GLIS3: variants seen among roughly 807,000 people sequenced by gnomAD.
GLIS3 encodes the protein GLIS family zinc finger 3.
In GLIS3, 53 loss-of-function variants were observed where a neutral mutation model predicts 78.6. That is an observed-to-expected ratio of 0.67 (90% CI 0.54 to 0.85). The LOEUF is 0.85. Among genes scored for constraint, GLIS3 ranks in the 40% least tolerant of loss-of-function variants. The pLI, the probability that GLIS3 is intolerant of heterozygous loss-of-function variation, is 0.00. For synonymous variants in GLIS3, 684 were observed against 509.9 expected, an observed-to-expected ratio of 1.34 and a Z score of -4.60; for missense variants, 1,703 against 1,231.1, an observed-to-expected ratio of 1.38 and a Z score of -5.74.
At chr9:4,282,720 A>C (rs1827667277) in intron 2 of GLIS3, among the ~76,000 whole-genome samples, 1 of 151,870 alleles carries the variant, frequency 6.6e-6, no homozygotes, top group Non-Finnish European at 1.5e-5. Context: ...CCCAAGGGCC[A>C]ATTTCTTATA....
chr9:4,420,708 T>A, the GLIS3 span, among the ~76,000 whole-genome samples: 1 of 152,170 alleles, frequency 6.6e-6, no homozygotes, highest in South Asian at 2.1e-4. Flanking sequence ...AGTCCATTTT[T>A]GCATTGTTAC....
intron 4 of GLIS3, among the ~76,000 whole-genome samples, chr9:3,959,148 C>T (rs528522653): frequency 3.3e-5 from 5 of 152,232 alleles, no homozygotes; most frequent in Middle Eastern, 3.4e-3. Flanking sequence ...TGGGAGGCCA[C>T]GAGGGCATTC....
the GLIS3 span, among the ~76,000 whole-genome samples, chr9:4,442,882 C>A: frequency 6.6e-6 from 1 of 152,030 alleles, no homozygotes; most frequent in Admixed American, 6.6e-5. Flanking sequence ...TCCCAGACCC[C>A]AGTCCAGAAC....
chr9:3,887,958 T>C (rs1264050673), intron 7 of GLIS3, among the ~76,000 whole-genome samples: 3 of 152,146 alleles, frequency 2.0e-5, no homozygotes, highest in Non-Finnish European at 2.9e-5. Flanking sequence ...CTTTTCTGTC[T>C]TTTCTCCACC....
chr9:4,244,374 A>T (rs1261143944), intron 2 of GLIS3, among the ~76,000 whole-genome samples: 1 of 152,216 alleles, frequency 6.6e-6, no homozygotes, highest in Non-Finnish European at 1.5e-5. Context: ...CAAACCTGTT[A>T]ATGTCAGACA....
At chr9:4,109,182 A>G (rs1831014313) in intron 4 of GLIS3, among the ~76,000 whole-genome samples, 1 of 152,156 alleles carries the variant, frequency 6.6e-6, no homozygotes, top group South Asian at 2.1e-4. Context: ...AAGGAAAAAA[A>G]TCTTGAAAAG....
chr9:4,437,943 G>C, the GLIS3 span, among the ~76,000 whole-genome samples: 1 of 152,136 alleles, frequency 6.6e-6, no homozygotes, highest in South Asian at 2.1e-4. Context: ...GACTGTTTAT[G>C]TTACTAACAA....
chr9:4,087,854 T>C (rs1829165383), intron 4 of GLIS3, among the ~76,000 whole-genome samples: 1 of 152,164 alleles, frequency 6.6e-6, no homozygotes. Context: ...CCACAAGGAA[T>C]TATTCTCTTT....
chr9:4,331,290 G>A (rs1029053407), intron 2 of GLIS3, among the ~76,000 whole-genome samples: 2 of 152,102 alleles, frequency 1.3e-5, no homozygotes, highest in African/African-American at 4.8e-5. Context: ...TTTTGTGCGT[G>A]TGTGTCTCTG....
intron 4 of GLIS3, among the ~76,000 whole-genome samples, chr9:4,105,832 A>C (rs1028463894): frequency 2.0e-5 from 3 of 152,164 alleles, no homozygotes; most frequent in Non-Finnish European, 2.9e-5. Flanking sequence ...TCACAATCTA[A>C]ATCTGGCCTT....
intron 6 of GLIS3, among the ~76,000 whole-genome samples, chr9:3,902,389 G>T (rs1474037882): frequency 6.6e-6 from 1 of 152,204 alleles, no homozygotes; most frequent in African/African-American, 2.4e-5. Context: ...TCTAAAGGGT[G>T]AGGCAGGAGG....
At chr9:3,960,769 C>T (rs772866253) in intron 4 of GLIS3, among the ~76,000 whole-genome samples, 1 of 152,222 alleles carries the variant, frequency 6.6e-6, no homozygotes, top group African/African-American at 2.4e-5. Context: ...GAGGTCAGCA[C>T]TACCCACTGG....
chr9:4,379,908 G>C, the GLIS3 span, among the ~76,000 whole-genome samples: 1 of 152,074 alleles, frequency 6.6e-6, no homozygotes. Flanking sequence ...ATGTGTTTTA[G>C]CATAGACATC....
At chr9:4,006,349 CA>C (rs1302192567) in intron 4 of GLIS3, among the ~76,000 whole-genome samples, 3 of 143,538 alleles carry the variant, frequency 2.1e-5, no homozygotes, top group African/African-American at 5.2e-5. Flanking sequence ...TTCTAAATCG[CA>C]AACAACCATA....
chr9:4,324,882 A>G (rs2130553792), intron 2 of GLIS3, among the ~76,000 whole-genome samples: 1 of 152,336 alleles, frequency 6.6e-6, no homozygotes, highest in East Asian at 1.9e-4. Flanking sequence ...AAAACCTAAA[A>G]GTTATACCCC....
At chr9:4,248,676 C>A (rs975319110) in intron 2 of GLIS3, among the ~76,000 whole-genome samples, 6 of 152,134 alleles carry the variant, frequency 3.9e-5, no homozygotes, top group African/African-American at 1.4e-4. Context: ...CTGTCTTCCA[C>A]ATGGTTGAAC....
the GLIS3 span, among the ~76,000 whole-genome samples, chr9:4,380,037 T>G: frequency 2.6e-5 from 4 of 152,224 alleles, no homozygotes; most frequent in African/African-American, 9.6e-5. Flanking sequence ...ACAAGTCACC[T>G]ACTCTTTCTG....
chr9:4,212,747 C>G (rs749099491), intron 2 of GLIS3, among the ~76,000 whole-genome samples: 3 of 152,118 alleles, frequency 2.0e-5, no homozygotes, highest in African/African-American at 7.2e-5. Flanking sequence ...ATGTGAGGAA[C>G]GGATGCTACT....
At chr9:3,921,179 G>A (rs527456588) in intron 6 of GLIS3, among the ~76,000 whole-genome samples, 3 of 152,204 alleles carry the variant, frequency 2.0e-5, no homozygotes, top group African/African-American at 4.8e-5. Context: ...ATCTCGAAAT[G>A]AGGACAGTTG....
Sources: allele counts gnomAD v4.1 joint callset (sites outside exome capture counted in the v4.1 genomes callset), GRCh38; gene constraint gnomAD v4.1.1; transcripts MANE v1.5; gene names NCBI Gene and HGNC (gene_info 2026-07-23, HGNC 2026-07-21).